The following ZNF600 variants were observed in gnomAD, a reference collection of about 807,000 sequenced individuals.
The protein encoded by ZNF600 is zinc finger protein 600.
A neutral mutation model predicts 7.3 loss-of-function variants in ZNF600; 4 were observed. That is an observed-to-expected ratio of 0.55 (90% confidence interval 0.27 to 1.25). The LOEUF (loss-of-function observed/expected upper bound fraction) is 1.25, where lower values mean the gene tolerates loss of function less well. ZNF600 is among the 50% of genes most tolerant of loss of function. The pLI, the probability that ZNF600 is intolerant of heterozygous loss-of-function variation, is 0.12. For synonymous variants in ZNF600, 290 were observed against 308.9 expected (o/e 0.94, Z 0.64); for missense variants, 911 against 922.1 (o/e 0.99, Z 0.16).
the ZNF600 span, among the ~76,000 whole-genome samples, chr19:52,820,691 C>T: frequency 9.2e-5 from 14 of 152,296 alleles, no homozygotes; most frequent in South Asian, 2.1e-4. Context: ...CACATTTCTG[C>T]CCCTCTCCCT....
rs7252818 is a variant in ZNF600 at position 52,767,752 on chromosome 19, T to C, written c.211A>G (p.Met71Val). Residue 71 changes from methionine to valine, a missense_variant, in exon 4 of 4, where the codon ATG becomes GTG. Coordinates refer to ENST00000648973, the Ensembl canonical transcript of ZNF600. Reference sequence around the variant, plus strand: ...TGCCCTGTTGACAAGACCTCCTTCATCATGCGTTTGGAAGAGATATCTACA... The same window carrying C: ...TGCCCTGTTGACAAGACCTCCTTCACCATGCGTTTGGAAGAGATATCTACA... The C allele has an allele frequency of 4.4e-3, 6,969 of 1,578,104 alleles. 225 individuals carry two copies. In the African/African-American group the frequency reaches 0.076, roughly 17 times the overall value.
chr19:52,801,272 C>T, the ZNF600 span: 1 of 1,614,142 alleles, frequency 6.2e-7, no homozygotes. Context: ...TATTTCCATA[C>T]TTATTAGAAA....
the ZNF600 span, among the ~76,000 whole-genome samples, chr19:52,827,219 G>A: frequency 6.7e-6 from 1 of 148,484 alleles, no homozygotes; most frequent in Non-Finnish European, 1.5e-5. Context: ...CTCCAGACTG[G>A]GCCATAGAGC....
At chr19:52,767,277 T>A (rs2062592679) in exon 4 of ZNF600, 1 of 1,614,070 alleles carries the variant, frequency 6.2e-7, no homozygotes, top group African/African-American at 1.3e-5. Context: ...TTGGAAAGAT[T>A]TTTCTCTCAT....
chr19:52,769,867 A>G (rs1253817263), intron 3 of ZNF600, among the ~76,000 whole-genome samples: 1 of 152,130 alleles, frequency 6.6e-6, no homozygotes, highest in Non-Finnish European at 1.5e-5. Flanking sequence ...ACTTTGTGAC[A>G]TTAATGAGTG....
chr19:52,826,160 G>A, the ZNF600 span, among the ~76,000 whole-genome samples: 4 of 152,204 alleles, frequency 2.6e-5, no homozygotes, highest in African/African-American at 9.6e-5. Flanking sequence ...GTTGCTCAAC[G>A]CCTGTAATCC....
At chr19:52,799,470 C>T in the ZNF600 span, 82 of 882,364 alleles carry the variant, frequency 9.3e-5, no homozygotes, top group Admixed American at 6.6e-4. Flanking sequence ...TCTATGATGA[C>T]GTGCAAGGGT....
At chr19:52,810,458 G>T in the ZNF600 span, 1 of 1,594,952 alleles carries the variant, frequency 6.3e-7, no homozygotes, top group Non-Finnish European at 8.6e-7. Context: ...AGTTCTCAAA[G>T]AGTCAGTGAG....
exon 4 of ZNF600, chr19:52,766,002 G>C (rs113024651): frequency 1.2e-6 from 2 of 1,611,772 alleles, no homozygotes; most frequent in Non-Finnish European, 1.7e-6. Context: ...GTCACAAACC[G>C]TACATTTGTA....
chr19:52,798,699 C>T, the ZNF600 span: 1 of 452,268 alleles, frequency 2.2e-6, no homozygotes, highest in Non-Finnish European at 4.4e-6. Flanking sequence ...GGTTTCTCTC[C>T]AGCATGAGTT....
chr19:52,790,617 A>G (rs2062788659), upstream of ZNF600, among the ~76,000 whole-genome samples: 1 of 151,930 alleles, frequency 6.6e-6, no homozygotes, highest in Non-Finnish European at 1.5e-5. Flanking sequence ...GGCTGCTGTA[A>G]ACTCTAAATT....
chr19:52,801,020 C>G, the ZNF600 span: 2 of 1,613,834 alleles, frequency 1.2e-6, no homozygotes, highest in African/African-American at 1.3e-5. Context: ...TCTTGCCACA[C>G]TCATTACACT....
the ZNF600 span, among the ~76,000 whole-genome samples, chr19:52,807,627 ACC>A: frequency 6.6e-6 from 1 of 152,128 alleles, no homozygotes; most frequent in African/African-American, 2.4e-5. Flanking sequence ...CATATGCATC[ACC>A]ATGCCCGGCT....
chr19:52,811,083 G>A, the ZNF600 span, among the ~76,000 whole-genome samples: 17 of 149,676 alleles, frequency 1.1e-4, no homozygotes, highest in East Asian at 2.0e-4. Flanking sequence ...TGGTGGAGAC[G>A]GGGTTTCGCT....
chr19:52,807,811 C>T, the ZNF600 span: 29 of 960,110 alleles, frequency 3.0e-5, no homozygotes, highest in Non-Finnish European at 4.3e-5. Flanking sequence ...CTTCTGGAAG[C>T]TCCACTGAGC....
chr19:52,801,173 A>G, the ZNF600 span: 2 of 1,614,124 alleles, frequency 1.2e-6, no homozygotes, highest in Non-Finnish European at 1.7e-6. Context: ...AGCTACAATT[A>G]AAGGATTTGC....
chr19:52,815,042 T>G, the ZNF600 span, among the ~76,000 whole-genome samples: 5 of 143,948 alleles, frequency 3.5e-5, no homozygotes, highest in East Asian at 8.0e-4. Context: ...AAAGTATACA[T>G]GTGTGTATAT....
At chr19:52,773,539 G>C (rs1470864607) in intron 3 of ZNF600, among the ~76,000 whole-genome samples, 2 of 152,114 alleles carry the variant, frequency 1.3e-5, no homozygotes, top group African/African-American at 4.8e-5. Flanking sequence ...TGGGGTTGAA[G>C]AAGGATGCCC....
chr19:52,800,707 C>G, the ZNF600 span: 1 of 1,613,788 alleles, frequency 6.2e-7, no homozygotes, highest in Non-Finnish European at 8.5e-7. Flanking sequence ...TAAGGTTTCT[C>G]TCCAGTATGA....
Sources: gnomAD v4.1 joint callset for allele counts (sites outside exome capture counted in the v4.1 genomes callset) on GRCh38, gnomAD v4.1.1 for gene constraint, MANE v1.5 for transcripts, NCBI Gene and HGNC (gene_info 2026-07-23, HGNC 2026-07-21) for gene names.